Variants in ARMC9 observed in about 807,000 individuals in gnomAD.
ARMC9 encodes the protein lisH domain-containing protein ARMC9.
Under a neutral mutation model 107.0 loss-of-function variants are expected in ARMC9, and 94 were observed. The ratio of observed to expected loss-of-function variants is 0.88; its 90% confidence interval spans 0.74 to 1.04. The LOEUF (loss-of-function observed/expected upper bound fraction) is 1.04. Ranked by LOEUF, ARMC9 falls within the 50% of genes least tolerant of loss-of-function variation. ARMC9 has a pLI of 0.00. For missense variants in ARMC9, 942 were observed against 1,030.1 expected, an observed-to-expected ratio of 0.91 and a Z score of 1.17; for synonymous variants, 380 against 396.9, an observed-to-expected ratio of 0.96 and a Z score of 0.51.
At chr2:231,316,822 G>A (rs1002458417) in intron 19 of ARMC9, among the ~76,000 whole-genome samples, 1 of 152,138 alleles carries the variant, frequency 6.6e-6, no homozygotes, top group African/African-American at 2.4e-5. Flanking sequence ...GAGTACAGTG[G>A]CTTGACCTTG....
At chr2:231,220,802 TC>T (rs963444990) in intron 5 of ARMC9, among the ~76,000 whole-genome samples, 2 of 152,154 alleles carry the variant, frequency 1.3e-5, no homozygotes, top group African/African-American at 4.8e-5. Context: ...TTCAGTCTCA[TC>T]CCTGTCATTA....
chr2:231,332,169 G>A (rs2043786963), intron 20 of ARMC9, among the ~76,000 whole-genome samples: 1 of 152,194 alleles, frequency 6.6e-6, no homozygotes, highest in South Asian at 2.1e-4. Flanking sequence ...GATATGCCTG[G>A]CCCCAGTAGC....
chr2:231,239,800 T>C, intron 8 of ARMC9, 143 bp from the exon 9 acceptor site: 2 of 700,998 alleles, frequency 2.9e-6, no homozygotes, highest in South Asian at 3.4e-5. Context: ...TTAAAGCAAA[T>C]GATTATTTTT....
intron 3 of ARMC9, among the ~76,000 whole-genome samples, chr2:231,212,508 C>T (rs78048225): frequency 2.2e-4 from 33 of 151,960 alleles, no homozygotes; most frequent in Non-Finnish European, 2.4e-4. Flanking sequence ...TAAGCCATAA[C>T]GTTTCACAAG....
In ARMC9 at chr2:231,282,218, T is replaced by C. The variant is rs1034990012; in HGVS notation, c.1626+85T>C. The stretch of plus-strand genomic sequence containing the variant: ...TAGAGCAAGACCTCCTTGATTGGGC[T>C]CCATAGAAAGGCTCAGATCCGTTCC... On this transcript the variant is annotated intron_variant, in intron 17 of 24. Coordinates refer to ENST00000611582, the MANE Select transcript of ARMC9 (RefSeq NM_001352754.2). 2.2e-6 allele frequency: 3 copies of C among 1,391,946 alleles called. No homozygotes were observed. In the African/African-American group the frequency reaches 4.3e-5, roughly 20 times the overall value. The allele number at this position is 1,391,946 out of a possible 1,614,324, so 86.2% of individuals were successfully genotyped here.
chr2:231,230,859 T>G (rs2035147955), intron 7 of ARMC9, among the ~76,000 whole-genome samples: 1 of 152,206 alleles, frequency 6.6e-6, no homozygotes, highest in Non-Finnish European at 1.5e-5. Context: ...GTGCTTCTTT[T>G]CCCGAATATT....
intron 9 of ARMC9, among the ~76,000 whole-genome samples, chr2:231,247,605 A>G (rs1223443091): frequency 6.6e-6 from 1 of 152,212 alleles, no homozygotes; most frequent in African/African-American, 2.4e-5. Flanking sequence ...TGCCTGTTGC[A>G]TACCCAGACC....
At chr2:231,214,397 G>A (rs2033257425) in intron 3 of ARMC9, among the ~76,000 whole-genome samples, 1 of 152,204 alleles carries the variant, frequency 6.6e-6, no homozygotes, top group African/African-American at 2.4e-5. Flanking sequence ...CCAGGATGTG[G>A]AGCCATGCTG....
chr2:231,276,514 TC>T lies in ARMC9; in HGVS notation c.1335-120del, dbSNP rs1484955743. ...CCAACTCCTGACCTCAGGTGATCCG[TC>T]CGCCTTGGCCTCCCAAAGTGCTGGG... On this transcript the variant is annotated intron_variant, in intron 14 of 24. Transcript: ENST00000611582. The T allele has an allele frequency of 8.3e-6, 11 of 1,332,496 alleles. No homozygotes were observed. In the East Asian group the frequency reaches 2.4e-4, roughly 29 times the overall value. The allele number at this position is 1,332,496 out of a possible 1,614,324, so 82.5% of individuals were successfully genotyped here. A position where few individuals can be genotyped will look rare whatever the true frequency, so the allele number is the denominator to read the frequency against.
chr2:231,352,468 T>G (rs2125588548), intron 21 of ARMC9, among the ~76,000 whole-genome samples: 1 of 149,408 alleles, frequency 6.7e-6, no homozygotes, highest in Non-Finnish European at 1.5e-5. Context: ...CCCAGCTAAT[T>G]TTATTTTATT....
At chr2:231,253,123 T>C (rs1186716314) in intron 9 of ARMC9, among the ~76,000 whole-genome samples, 1 of 151,842 alleles carries the variant, frequency 6.6e-6, no homozygotes, top group East Asian at 1.9e-4. Context: ...TTTTTGTTTT[T>C]GTTTTTGTTT....
At chr2:231,308,377 A>G (rs2042150103) in intron 19 of ARMC9, among the ~76,000 whole-genome samples, 1 of 152,204 alleles carries the variant, frequency 6.6e-6, no homozygotes, top group East Asian at 1.9e-4. Flanking sequence ...CTGGTGGGAC[A>G]GAGATTTAAG....
intron 19 of ARMC9, among the ~76,000 whole-genome samples, chr2:231,317,896 T>A (rs983883211): frequency 1.3e-5 from 2 of 151,996 alleles, no homozygotes; most frequent in African/African-American, 2.4e-5. Flanking sequence ...ATTTTCAGTA[T>A]TTTTTTTAAA....
rs57779512 is a variant in ARMC9 at position 231,279,511 on chromosome 2, CTTTTTT to C, written c.1551+1065_1551+1070del. ...CTTTCTTTTCTTTTTTTTCTTTTTTCTTTTTTTTTTTTTTTTTGAGACAGAGTCTCA... is the reference window on the plus strand; with the variant it reads ...CTTTCTTTTCTTTTTTTTCTTTTTTCTTTTTTTTTTTGAGACAGAGTCTCA... On this transcript the variant is annotated intron_variant, in intron 16 of 24. Transcript: ENST00000611582. Among the ~76,000 whole-genome samples, 44 of 124,804 alleles carry C rather than the reference CTTTTTT, an allele frequency of 3.5e-4. No homozygotes were observed. The South Asian group carries it at 9.9e-3, about 28-fold the overall frequency. 81.9% of individuals were successfully genotyped at this position (124,804 alleles called of 152,430 possible).
intron 17 of ARMC9, among the ~76,000 whole-genome samples, chr2:231,287,641 C>A (rs1340920485): frequency 6.6e-6 from 1 of 152,090 alleles, no homozygotes; most frequent in Non-Finnish European, 1.5e-5. Context: ...CCTCAGCCTC[C>A]CAATCTCATG....
chr2:231,350,630 A>AG (rs1559496501), intron 21 of ARMC9, among the ~76,000 whole-genome samples: 1 of 143,974 alleles, frequency 6.9e-6, no homozygotes. Context: ...CTCAAAAAAA[A>AG]AAAAAGAAAA....
chr2:231,239,629 T>G (rs1002653295), intron 8 of ARMC9, among the ~76,000 whole-genome samples: 2 of 152,188 alleles, frequency 1.3e-5, no homozygotes, highest in African/African-American at 4.8e-5. Flanking sequence ...TTACATGAAT[T>G]TACCAAAGTG....
At chr2:231,284,101 A>G (rs1192175543) in intron 17 of ARMC9, among the ~76,000 whole-genome samples, 1 of 152,226 alleles carries the variant, frequency 6.6e-6, no homozygotes. Context: ...TAATGGTCCA[A>G]TAAGATTATA....
At position 231,368,547 on chromosome 2, in the gene ARMC9, C is replaced by A. The variant is rs1364254921; in HGVS notation, c.2262-1406C>A. ...GTGGTAACAGGAGCCTGTAACTGTA[C>A]CCACAAGTAAGCAACAATGTCACAT... On this transcript the variant is annotated intron_variant, in intron 23 of 24. Coordinates refer to ENST00000611582, the MANE Select transcript of ARMC9 (RefSeq NM_001352754.2). 3.3e-5 allele frequency among the ~76,000 whole-genome samples: 5 copies of A among 152,104 alleles called. No homozygotes were observed. The East Asian group carries it at 9.6e-4, about 29-fold the overall frequency.
Sources: allele counts gnomAD v4.1 joint callset (sites outside exome capture counted in the v4.1 genomes callset), GRCh38; gene constraint gnomAD v4.1.1; transcripts MANE v1.5; gene names NCBI Gene and HGNC (gene_info 2026-07-23, HGNC 2026-07-21).